Variants in PRMT8 observed in about 807,000 individuals in gnomAD.
PRMT8 encodes protein arginine N-methyltransferase 8.
A neutral mutation model predicts 47.1 loss-of-function variants in PRMT8; 7 were observed. That is an observed-to-expected ratio of 0.15 (90% CI 0.08 to 0.28). The LOEUF is 0.28. PRMT8 is among the 10% of genes least tolerant of loss of function. PRMT8 has a pLI of 1.00. For synonymous variants in PRMT8, 188 were observed against 186.5 expected, an observed-to-expected ratio of 1.01 and a Z score of -0.07; for missense variants, 237 against 505.4, an observed-to-expected ratio of 0.47 and a Z score of 5.09.
Position 3,569,753 on chromosome 12 carries a change from C to T in PRMT8, c.712+189C>T, listed in dbSNP as rs1866812210. ...TCTAGTCCCAAGGGTGTTAGGTCTA[C>T]AGACAGAAAATAAGCCATATGGCTG... On this transcript the variant is annotated intron_variant, in intron 6 of 9. Transcript: ENST00000382622. This position sits in a 1 kb window ranked among gnomAD's most constrained non-coding sequence, Gnocchi z 8.2. Among the ~76,000 whole-genome samples, 1 of 152,136 alleles carries T rather than the reference C, an allele frequency of 6.6e-6. No homozygotes were observed. Among genetic ancestry groups the T allele is most frequent in the African/African-American group, 2.4e-5 (1 of 41,414 alleles).
intron 1 of PRMT8, among the ~76,000 whole-genome samples, chr12:3,510,349 G>A (rs1365754559): frequency 6.6e-6 from 1 of 152,136 alleles, no homozygotes. Context: ...ATATTGCACT[G>A]TAGGATGACT....
At position 3,553,681 on chromosome 12, in the gene PRMT8, G is replaced by A; in HGVS notation, c.448G>A (p.Glu150Lys). The change falls in exon 4 of 10, where the codon GAG becomes AAG. Residue 150 changes from glutamate (E) to lysine (K), a missense_variant. Physicochemically the swap from Glu to Lys is moderately conservative, Grantham distance 56. Coordinates refer to ENST00000382622, the MANE Select transcript of PRMT8 (RefSeq NM_019854.5). Reference sequence around the variant, plus strand: ...ATGCTCCAGTATTTCTGACTACTCAGAGAAGATCATTAAGGCCAACCACTT... The same window carrying A: ...ATGCTCCAGTATTTCTGACTACTCAAAGAAGATCATTAAGGCCAACCACTT... ...IECSSISDYS[E>K]KIIKANHLDN... 1.2e-6 allele frequency: 2 copies of A among 1,608,236 alleles called. No homozygotes were observed. Among genetic ancestry groups the A allele is most frequent in the Non-Finnish European group, 1.7e-6 (2 of 1,174,642 alleles).
chr12:3,590,402 G>A (rs1034987104), intron 8 of PRMT8, among the ~76,000 whole-genome samples: 2 of 152,150 alleles, frequency 1.3e-5, no homozygotes, highest in African/African-American at 4.8e-5. Flanking sequence ...CCCAGTTGGC[G>A]CTGTGTGAAC....
intron 1 of PRMT8, among the ~76,000 whole-genome samples, chr12:3,532,960 G>A (rs1033704450): frequency 3.9e-5 from 6 of 152,170 alleles, no homozygotes; most frequent in African/African-American, 1.4e-4. Context: ...AGGCCTCCCA[G>A]AGTGGGAGGG....
intron 1 of PRMT8, among the ~76,000 whole-genome samples, chr12:3,533,260 G>A (rs577119379): frequency 1.3e-5 from 2 of 152,194 alleles, no homozygotes; most frequent in South Asian, 2.1e-4. Flanking sequence ...TGAGGCAGAC[G>A]ACTGAAGAAT....
rs531099163 is a variant in PRMT8, at chr12:3,552,475, G to A, written c.418-1176G>A. 14 of 272,162 alleles carry A rather than the reference G, an allele frequency of 5.1e-5. No homozygotes were observed. The highest frequency in any genetic ancestry group is 8.9e-5 in the Non-Finnish European group (12 of 134,538). 16.9% of individuals were successfully genotyped at this position (272,162 alleles called of 1,614,324 possible). ...CAGGCATAAATCCAGGCCTGGCTCC[G>A]GGTCGCATGCTCCTCATCACTCAAC... On this transcript the variant is annotated intron_variant, in intron 3 of 9. Coordinates refer to ENST00000382622, the MANE Select transcript of PRMT8 (RefSeq NM_019854.5). This position sits in a 1 kb window ranked among gnomAD's most constrained non-coding sequence, Gnocchi z 4.5.
At chr12:3,525,385 G>A (rs1865937830) in intron 1 of PRMT8, among the ~76,000 whole-genome samples, 2 of 152,192 alleles carry the variant, frequency 1.3e-5, no homozygotes, top group Admixed American at 6.5e-5. Context: ...TGGGTATGCA[G>A]AGGATACAGG....
intron 1 of PRMT8, among the ~76,000 whole-genome samples, chr12:3,392,529 A>G (rs1483394996): frequency 6.6e-6 from 1 of 151,178 alleles, no homozygotes; most frequent in Non-Finnish European, 1.5e-5. Flanking sequence ...TGTCCCTACA[A>G]AGGACATGAA....
rs1216579228 is a variant in PRMT8, at chr12:3,580,260, G to A, written c.829-2798G>A. Among the ~76,000 whole-genome samples, 1 of 152,052 alleles carries A rather than the reference G, an allele frequency of 6.6e-6. No individual in the cohort carries two copies. Among genetic ancestry groups the A allele is most frequent in the African/African-American group, 2.4e-5 (1 of 41,396 alleles). On this transcript the variant is annotated intron_variant, in intron 7 of 9. Transcript: ENST00000382622. The surrounding 1 kb of genome is among the most constrained non-coding windows in gnomAD (Gnocchi z 4.6). ...AAGCTGTCAGCTACAAGAGTTGATA[G>A]CTGACATTTTGTTGATGGACATCTG...
At chr12:3,530,826 C>T (rs948528795) in intron 1 of PRMT8, among the ~76,000 whole-genome samples, 12 of 152,228 alleles carry the variant, frequency 7.9e-5, no homozygotes, top group Non-Finnish European at 1.6e-4. Flanking sequence ...TCCTGTACCA[C>T]ACGCTCGAAT....
In PRMT8 at chr12:3,576,797, T is replaced by C. The variant is rs575961318; in HGVS notation, c.713-74T>C. ...CACTCAGCCCTCAGGCACGCTGTGCTCTAGGACTCAGGAGGGTTGGGTGAG... is the reference window on the plus strand; with the variant it reads ...CACTCAGCCCTCAGGCACGCTGTGCCCTAGGACTCAGGAGGGTTGGGTGAG... On this transcript the variant is annotated intron_variant, in intron 6 of 9. Transcript: ENST00000382622. This position sits in a 1 kb window ranked among gnomAD's most constrained non-coding sequence, Gnocchi z 4.0. The C allele has an allele frequency of 2.5e-6, 3 of 1,182,842 alleles. No homozygotes were observed. The highest frequency in any genetic ancestry group is 3.8e-6 in the Non-Finnish European group (3 of 797,246). The allele number at this position is 1,182,842 out of a possible 1,614,324, so 73.3% of individuals were successfully genotyped here. A position where few individuals can be genotyped will look rare whatever the true frequency, so the allele number is the denominator to read the frequency against.
chr12:3,476,638 A>G (rs1298800908), intron 1 of PRMT8, among the ~76,000 whole-genome samples: 1 of 152,130 alleles, frequency 6.6e-6, no homozygotes, highest in African/African-American at 2.4e-5. Flanking sequence ...GGTGGACTGG[A>G]TGAGTCATTG....
chr12:3,404,844 T>A (rs571627751), intron 1 of PRMT8, among the ~76,000 whole-genome samples: 1 of 152,356 alleles, frequency 6.6e-6, no homozygotes, highest in African/African-American at 2.4e-5. Context: ...TATAGATTTA[T>A]AATTGTGATA....
chr12:3,419,600 A>G (rs1864517620), intron 1 of PRMT8, among the ~76,000 whole-genome samples: 1 of 151,744 alleles, frequency 6.6e-6, no homozygotes, highest in Non-Finnish European at 1.5e-5. Context: ...TCTGTTTAGT[A>G]TTTGATTTGC....
intron 1 of PRMT8, among the ~76,000 whole-genome samples, chr12:3,497,523 G>A (rs1865528878): frequency 6.6e-6 from 1 of 152,098 alleles, no homozygotes. Context: ...TTTCATTTGG[G>A]GTTGTCTCAC....
intron 1 of PRMT8, among the ~76,000 whole-genome samples, chr12:3,448,784 T>C (rs1864885889): frequency 6.6e-6 from 1 of 152,220 alleles, no homozygotes; most frequent in Non-Finnish European, 1.5e-5. Context: ...CATGCAGGTT[T>C]GTTACCTAGG....
rs1866684338 is a variant in PRMT8, at chr12:3,564,340, C to T, written c.482-4366C>T. ...CACTAACTTCAGATCCTACGGGCAT[C>T]AGCTGACCCTGATGGATGCACTGGA... On this transcript the variant is annotated intron_variant, in intron 4 of 9. Transcript: ENST00000382622. The surrounding 1 kb of genome is among the most constrained non-coding windows in gnomAD (Gnocchi z 4.0). Among the ~76,000 whole-genome samples the T allele has an allele frequency of 6.6e-6, 1 of 152,168 alleles. No homozygotes were observed. The highest frequency in any genetic ancestry group is 1.5e-5 in the Non-Finnish European group (1 of 68,034).
chr12:3,490,549 G>GT (rs1008147640), upstream of PRMT8, among the ~76,000 whole-genome samples: 1 of 149,920 alleles, frequency 6.7e-6, no homozygotes, highest in Non-Finnish European at 1.5e-5. Context: ...ACTGGAGTGG[G>GT]GGGGGGGGCA....
intron 1 of PRMT8, among the ~76,000 whole-genome samples, chr12:3,528,147 C>T (rs553940555): frequency 1.2e-4 from 18 of 152,070 alleles, no homozygotes; most frequent in African/African-American, 3.1e-4. Context: ...TACTCCCTCA[C>T]GATTCTTGTG....
Sources: gnomAD v4.1 joint callset for allele counts (sites outside exome capture counted in the v4.1 genomes callset) on GRCh38, gnomAD v4.1.1 for gene constraint, Gnocchi (gnomAD v3.1) non-coding constraint, MANE v1.5 for transcripts, NCBI Gene and HGNC (gene_info 2026-07-23, HGNC 2026-07-21) for gene names.